SLIT3: variants seen among roughly 807,000 people sequenced by gnomAD.
SLIT3 encodes slit homolog 3 protein.
Under a neutral mutation model 184.0 loss-of-function variants are expected in SLIT3, and 68 were observed. That is an observed-to-expected ratio of 0.37 (90% CI 0.30 to 0.45). The LOEUF (loss-of-function observed/expected upper bound fraction) is 0.45, where lower values mean the gene tolerates loss of function less well. Ranked by LOEUF, SLIT3 falls within the 20% of genes least tolerant of loss-of-function variation. The pLI, the probability that SLIT3 is intolerant of heterozygous loss-of-function variation, is 1.00. For missense variants in SLIT3, 1,707 were observed against 2,026.0 expected (o/e 0.84, Z 3.02); for synonymous variants, 831 against 828.6 (o/e 1.00, Z -0.05).
chr5:169,200,614 T>C (rs919644188), intron 3 of SLIT3, among the ~76,000 whole-genome samples: 6 of 152,168 alleles, frequency 3.9e-5, no homozygotes, highest in South Asian at 2.1e-4. Flanking sequence ...AGTTCAGAGA[T>C]GACATCATCA....
At chr5:169,209,617 T>C (rs1764190442) in intron 3 of SLIT3, among the ~76,000 whole-genome samples, 1 of 152,176 alleles carries the variant, frequency 6.6e-6, no homozygotes, top group Non-Finnish European at 1.5e-5. Context: ...TATGCAGCCA[T>C]AGAAAAGGAT....
At chr5:168,668,174 A>G (rs1313861934) in intron 35 of SLIT3, among the ~76,000 whole-genome samples, 1 of 152,202 alleles carries the variant, frequency 6.6e-6, no homozygotes, top group Non-Finnish European at 1.5e-5. Context: ...TAATATTAAT[A>G]TAATTTCCTT....
chr5:168,967,435 A>ATTTTTTTTTTTTTTTTTTTTTTTTTTT (rs556216624), intron 4 of SLIT3, among the ~76,000 whole-genome samples: 5 of 30,760 alleles, frequency 1.6e-4, no homozygotes, highest in African/African-American at 2.4e-4. Context: ...GCCATCTCAA[A>ATTTTTTTTTTTTTTTTTTTTTTTTTTT]TCTTTTTTTT....
chr5:169,238,294 C>T (rs1765268481), intron 3 of SLIT3, among the ~76,000 whole-genome samples: 1 of 152,072 alleles, frequency 6.6e-6, no homozygotes, highest in South Asian at 2.1e-4. Context: ...GAAATTCAGA[C>T]TTATGTTGTA....
chr5:168,702,834 G>A (rs1013982767), intron 26 of SLIT3, among the ~76,000 whole-genome samples: 3 of 152,138 alleles, frequency 2.0e-5, no homozygotes, highest in African/African-American at 4.8e-5. Context: ...CACATGGACC[G>A]TGAAGGGCAG....
intron 4 of SLIT3, among the ~76,000 whole-genome samples, chr5:168,993,507 G>A (rs1755402524): frequency 6.6e-6 from 1 of 152,222 alleles, no homozygotes; most frequent in Non-Finnish European, 1.5e-5. Context: ...AATCCCCCAT[G>A]GGGGTCAACC....
chr5:168,835,472 T>C (rs78761915), intron 6 of SLIT3, among the ~76,000 whole-genome samples: 10 of 148,844 alleles, frequency 6.7e-5, no homozygotes, highest in African/African-American at 2.5e-4. Flanking sequence ...CACCATCCCT[T>C]ACTTCAAAAA....
chr5:169,051,543 G>T (rs920915619), intron 4 of SLIT3, among the ~76,000 whole-genome samples: 1 of 152,142 alleles, frequency 6.6e-6, no homozygotes, highest in African/African-American at 2.4e-5. Context: ...ATAAAGGGTA[G>T]AATTAGAGTT....
chr5:169,041,541 C>T (rs1757450173), intron 4 of SLIT3, among the ~76,000 whole-genome samples: 1 of 152,210 alleles, frequency 6.6e-6, no homozygotes, highest in Non-Finnish European at 1.5e-5. Flanking sequence ...TCAGCACTTA[C>T]ACTAAAGCTT....
intron 4 of SLIT3, among the ~76,000 whole-genome samples, chr5:169,130,967 A>G (rs1157378634): frequency 2.6e-5 from 4 of 152,026 alleles, no homozygotes; most frequent in African/African-American, 9.7e-5. Context: ...TTAAGTGGTG[A>G]AAAAAAATCA....
At chr5:169,280,340 A>AT (rs552859777) in intron 1 of SLIT3, among the ~76,000 whole-genome samples, 195 of 150,570 alleles carry the variant, frequency 1.3e-3, no homozygotes, top group African/African-American at 4.2e-3. Flanking sequence ...GAGGGTTCCA[A>AT]TTTTTTTTTT....
rs17635349 is a variant in SLIT3 at position 168,823,102 on chromosome 5, C to T, written c.629+158G>A. Among the ~76,000 whole-genome samples, 2,967 of 152,248 alleles carry T rather than the reference C, an allele frequency of 0.019. 40 individuals carry two copies. Among genetic ancestry groups the T allele is most frequent in the Middle Eastern group, 0.031 (9 of 294 alleles). ...ACCTGACTCTACATCTACCCTCACT[C>T]GCCAAGGCACCCCTTGGTTAATAGC... is the stretch of plus-strand genomic sequence containing the variant. On this transcript the variant is annotated intron_variant, in intron 7 of 35. Transcript: ENST00000519560.
chr5:169,260,632 C>A (rs561917469), intron 1 of SLIT3, among the ~76,000 whole-genome samples: 2 of 152,244 alleles, frequency 1.3e-5, no homozygotes, highest in African/African-American at 4.8e-5. Context: ...TGAAACATAC[C>A]CACACCTCTG....
intron 4 of SLIT3, among the ~76,000 whole-genome samples, chr5:169,033,226 G>A (rs1233352429): frequency 6.6e-6 from 1 of 151,864 alleles, no homozygotes; most frequent in Non-Finnish European, 1.5e-5. Flanking sequence ...TTCTTTGTCT[G>A]GTTTATTTCA....
At chr5:168,717,911 C>T (rs188281018) in intron 23 of SLIT3, among the ~76,000 whole-genome samples, 4 of 152,260 alleles carry the variant, frequency 2.6e-5, no homozygotes, top group East Asian at 3.9e-4. Flanking sequence ...CCACCCGCCT[C>T]GGCCTCCCAA....
intron 3 of SLIT3, among the ~76,000 whole-genome samples, chr5:169,214,709 C>A (rs974578671): frequency 2.0e-5 from 3 of 152,210 alleles, no homozygotes; most frequent in African/African-American, 7.2e-5. Context: ...ATGAATCCAA[C>A]GTGACATCTC....
chr5:169,035,966 C>T (rs903018408), intron 4 of SLIT3, among the ~76,000 whole-genome samples: 6 of 152,222 alleles, frequency 3.9e-5, no homozygotes, highest in Admixed American at 3.9e-4. Flanking sequence ...CCTAATTTTA[C>T]AGACGAGCAC....
intron 1 of SLIT3, among the ~76,000 whole-genome samples, chr5:169,287,767 G>A (rs966913169): frequency 3.9e-5 from 6 of 152,160 alleles, no homozygotes; most frequent in South Asian, 2.1e-4. Flanking sequence ...TGGTGGACGC[G>A]TTTCTCAGGG....
intron 3 of SLIT3, among the ~76,000 whole-genome samples, chr5:169,196,338 TC>T (rs1763741733): frequency 6.6e-6 from 1 of 152,230 alleles, no homozygotes; most frequent in Non-Finnish European, 1.5e-5. Context: ...TATATTGTGC[TC>T]TTGCTGTGGG....
Sources: gnomAD v4.1 joint callset for allele counts (sites outside exome capture counted in the v4.1 genomes callset) on GRCh38, gnomAD v4.1.1 for gene constraint, MANE v1.5 for transcripts, NCBI Gene and HGNC (gene_info 2026-07-23, HGNC 2026-07-21) for gene names.